Variants in SORCS1 observed in about 807,000 individuals in gnomAD.
The protein encoded by SORCS1 is sortilin related VPS10 domain containing receptor 1, also known as VPS10 domain-containing receptor SorCS1.
A neutral mutation model predicts 146.1 loss-of-function variants in SORCS1; 60 were observed. That is an observed-to-expected ratio of 0.41 (90% CI 0.33 to 0.51). SORCS1 has a LOEUF of 0.51. SORCS1 is among the 20% of genes least tolerant of loss of function. SORCS1 has a pLI of 0.21. For missense variants in SORCS1, 1,352 were observed against 1,487.6 expected (o/e 0.91, Z 1.50); for synonymous variants, 637 against 584.0 (o/e 1.09, Z -1.31).
intron 2 of SORCS1, among the ~76,000 whole-genome samples, chr10:106,892,186 A>G (rs1951263750): frequency 6.6e-6 from 1 of 152,234 alleles, no homozygotes; most frequent in African/African-American, 2.4e-5. Context: ...CCTTGAAGCC[A>G]AATCAAATGG....
chr10:106,869,161 C>G (rs1346342516), intron 2 of SORCS1, among the ~76,000 whole-genome samples: 1 of 152,070 alleles, frequency 6.6e-6, no homozygotes, highest in Non-Finnish European at 1.5e-5. Flanking sequence ...ATTCCCTGAA[C>G]AGAACAATAA....
rs201268848 is a variant in SORCS1 at position 106,679,722 on chromosome 10, G to A, written c.1573C>T (p.Leu525=). The change falls in exon 11 of 26, where the codon CTA becomes TTA. Residue 525 remains leucine, a synonymous_variant. Coordinates refer to ENST00000263054, the MANE Select transcript of SORCS1 (RefSeq NM_052918.5). ...PVHCLLPYCS[L]HLHLKVSENP... Reference sequence around the variant, plus strand: ...TCAGAGACCTTCAGGTGAAGGTGTAGTGAGCAATAGGGCTGAAAAGAGAAA... The same window carrying A: ...TCAGAGACCTTCAGGTGAAGGTGTAATGAGCAATAGGGCTGAAAAGAGAAA... 1 of 1,610,052 alleles carries A rather than the reference G, an allele frequency of 6.2e-7. No homozygotes were observed. Among genetic ancestry groups the A allele is most frequent in the East Asian group, 2.2e-5 (1 of 44,780 alleles).
At chr10:106,751,835 G>A (rs1463012818) in intron 5 of SORCS1, among the ~76,000 whole-genome samples, 2 of 151,066 alleles carry the variant, frequency 1.3e-5, no homozygotes, top group African/African-American at 4.8e-5. Flanking sequence ...AGTACCCTGT[G>A]TGTGTGTATG....
At chr10:106,691,070 A>G (rs1853259285) in intron 9 of SORCS1, among the ~76,000 whole-genome samples, 1 of 152,176 alleles carries the variant, frequency 6.6e-6, no homozygotes, top group Non-Finnish European at 1.5e-5. Context: ...TGCATGTAGT[A>G]TATGTCTCTC....
At position 106,726,225 on chromosome 10, in the gene SORCS1, G is replaced by T. The variant is rs543415050; in HGVS notation, c.1024+3825C>A. ...TTTTTTTTACACTGTGACAGGTCAGGTGTTATGCTTGGACCCTTTAAAACA... is the reference window on the plus strand; with the variant it reads ...TTTTTTTTACACTGTGACAGGTCAGTTGTTATGCTTGGACCCTTTAAAACA... On this transcript the variant is annotated intron_variant, in intron 6 of 25. Transcript: ENST00000263054. Among the ~76,000 whole-genome samples, 10 of 124,844 alleles carry T rather than the reference G, an allele frequency of 8.0e-5. No individual in the cohort carries two copies. In the South Asian group the frequency reaches 2.5e-3, roughly 31 times the overall value. The allele number at this position is 124,844 out of a possible 152,430, so 81.9% of individuals were successfully genotyped here.
At position 106,983,230 on chromosome 10, in the gene SORCS1, CTATA is replaced by C. The variant is rs533617882; in HGVS notation, c.559-26654_559-26651del. 8.2e-3 allele frequency among the ~76,000 whole-genome samples: 1,198 copies of C among 145,594 alleles called. 12 individuals carry two copies. The highest frequency in any genetic ancestry group is 0.024 in the African/African-American group (963 of 39,656). On this transcript the variant is annotated intron_variant, in intron 1 of 25. Transcript: ENST00000263054. ...TATATATAAATATATATACATATTT[CTATA>C]TATAAATATACATATACATATTTCT...
At chr10:107,170,689 T>C in the SORCS1 span, among the ~76,000 whole-genome samples, 11 of 152,318 alleles carry the variant, frequency 7.2e-5, no homozygotes, top group Admixed American at 3.3e-4. Context: ...AGTAGCACAG[T>C]TGGACAGACA....
chr10:106,854,920 AAT>A (rs1949725559), intron 2 of SORCS1, among the ~76,000 whole-genome samples: 1 of 152,164 alleles, frequency 6.6e-6, no homozygotes, highest in African/African-American at 2.4e-5. Flanking sequence ...TACTCAGAAG[AAT>A]AAAGGTTTTT....
chr10:106,808,876 C>T (rs1261243064), intron 3 of SORCS1, among the ~76,000 whole-genome samples: 2 of 152,180 alleles, frequency 1.3e-5, no homozygotes, highest in African/African-American at 4.8e-5. Context: ...CCACTACTTT[C>T]ATCCCATTTA....
chr10:106,978,084 T>C (rs193013320), intron 1 of SORCS1, among the ~76,000 whole-genome samples: 163 of 152,256 alleles, frequency 1.1e-3, no homozygotes, highest in African/African-American at 3.7e-3. Flanking sequence ...GCTGGGATTA[T>C]AGGCACCCAC....
intron 3 of SORCS1, among the ~76,000 whole-genome samples, chr10:106,789,282 TTG>T (rs1946205406): frequency 6.6e-6 from 1 of 152,196 alleles, no homozygotes. Flanking sequence ...ATTTTCCCCC[TTG>T]TCTTGGCAAT....
chr10:106,976,484 A>C (rs1452712618), intron 1 of SORCS1, among the ~76,000 whole-genome samples: 1 of 151,680 alleles, frequency 6.6e-6, no homozygotes, highest in African/African-American at 2.4e-5. Flanking sequence ...GAAGCCCGCC[A>C]CCACACCCGG....
At chr10:106,596,546 C>G (rs932169958) in intron 24 of SORCS1, among the ~76,000 whole-genome samples, 32 of 152,138 alleles carry the variant, frequency 2.1e-4, no homozygotes, top group African/African-American at 7.5e-4. Flanking sequence ...TCCTCACCAC[C>G]ACCTTCTCAG....
intron 1 of SORCS1, among the ~76,000 whole-genome samples, chr10:107,043,892 C>T (rs368621538): frequency 3.3e-5 from 5 of 152,156 alleles, no homozygotes; most frequent in African/African-American, 4.8e-5. Context: ...ATCATCTTTC[C>T]GAAAGTCCTG....
chr10:106,974,860 A>T (rs1157153410), intron 1 of SORCS1, among the ~76,000 whole-genome samples: 1 of 152,246 alleles, frequency 6.6e-6, no homozygotes, highest in Non-Finnish European at 1.5e-5. Context: ...GAAACAAAAC[A>T]GTTCCTTGGG....
intron 1 of SORCS1, among the ~76,000 whole-genome samples, chr10:107,063,334 A>G (rs1317979485): frequency 6.6e-6 from 1 of 152,208 alleles, no homozygotes; most frequent in Non-Finnish European, 1.5e-5. Flanking sequence ...AAAGCTTCAG[A>G]AGAAATGGGG....
chr10:106,831,884 G>A (rs1041946544), intron 2 of SORCS1, among the ~76,000 whole-genome samples: 3 of 152,168 alleles, frequency 2.0e-5, no homozygotes, highest in Non-Finnish European at 1.5e-5. Flanking sequence ...AAATTAGAAA[G>A]AGCATCACAG....
At chr10:107,169,855 T>C in the SORCS1 span, among the ~76,000 whole-genome samples, 1 of 152,158 alleles carries the variant, frequency 6.6e-6, no homozygotes, top group Non-Finnish European at 1.5e-5. Flanking sequence ...AATTCCACAT[T>C]ATTTTTGTGT....
At chr10:106,780,657 G>A (rs10786973) in intron 3 of SORCS1, among the ~76,000 whole-genome samples, 36,591 of 152,110 alleles carry the variant, frequency 0.24, 4,783 homozygotes, top group Non-Finnish European at 0.29. Flanking sequence ...GCAAATCCTC[G>A]CTGTTCTACT....
Sources: allele counts gnomAD v4.1 joint callset (sites outside exome capture counted in the v4.1 genomes callset), GRCh38; gene constraint gnomAD v4.1.1; transcripts MANE v1.5; gene names NCBI Gene and HGNC (gene_info 2026-07-23, HGNC 2026-07-21).